The following KDM4C variants were observed in gnomAD, a reference collection of about 807,000 sequenced individuals.
The protein encoded by KDM4C is lysine demethylase 4C.
In KDM4C, 81 loss-of-function variants were observed where a neutral mutation model predicts 129.3. The ratio of observed to expected loss-of-function variants is 0.63; its 90% CI spans 0.52 to 0.75. The LOEUF (loss-of-function observed/expected upper bound fraction) is 0.75, where lower values mean the gene tolerates loss of function less well. Ranked by LOEUF, KDM4C falls within the 30% of genes least tolerant of loss-of-function variation. The probability of loss-of-function intolerance (pLI) is 0.00; values close to 1 mark genes in which losing one functional copy is unlikely to be tolerated. For missense variants in KDM4C, 1,457 were observed against 1,304.0 expected, an observed-to-expected ratio of 1.12 and a Z score of -1.81; for synonymous variants, 573 against 456.1, an observed-to-expected ratio of 1.26 and a Z score of -3.26.
chr9:7,045,341 A>T (rs1319992340), intron 15 of KDM4C, among the ~76,000 whole-genome samples: 1 of 152,014 alleles, frequency 6.6e-6, no homozygotes, highest in Non-Finnish European at 1.5e-5. Context: ...CTGCATTCCC[A>T]CTTTGAAACT....
At chr9:6,928,964 T>C (rs1823149141) in intron 8 of KDM4C, among the ~76,000 whole-genome samples, 1 of 152,210 alleles carries the variant, frequency 6.6e-6, no homozygotes, top group Admixed American at 6.5e-5. Flanking sequence ...CACACCCTTG[T>C]GCTTTAGTAA....
chr9:6,872,486 A>T (rs1276382963), intron 5 of KDM4C, among the ~76,000 whole-genome samples: 2 of 152,142 alleles, frequency 1.3e-5, no homozygotes, highest in African/African-American at 4.8e-5. Context: ...GTCTCCCACT[A>T]TTATTGTGTG....
intron 8 of KDM4C, among the ~76,000 whole-genome samples, chr9:6,926,369 A>C (rs942148822): frequency 2.7e-5 from 4 of 150,884 alleles, no homozygotes; most frequent in Non-Finnish European, 4.4e-5. Context: ...CCAAAATAAA[A>C]ATGAATGAAA....
At chr9:6,721,438 G>C (rs13292272) in intron 1 of KDM4C, among the ~76,000 whole-genome samples, 1 of 151,048 alleles carries the variant, frequency 6.6e-6, no homozygotes, top group Non-Finnish European at 1.5e-5. Flanking sequence ...CATGTGCCAC[G>C]ACACCTGACT....
intron 17 of KDM4C, among the ~76,000 whole-genome samples, chr9:7,099,083 G>C (rs190015169): frequency 2.1e-3 from 318 of 152,232 alleles, no homozygotes; most frequent in African/African-American, 7.4e-3. Context: ...TCCTTAGGGG[G>C]CAAAAGGAGA....
chr9:6,814,235 T>A (rs1831671261), intron 3 of KDM4C, among the ~76,000 whole-genome samples: 1 of 152,190 alleles, frequency 6.6e-6, no homozygotes. Flanking sequence ...CTTTCTTGGA[T>A]TTTTAGTGAG....
At chr9:7,052,703 G>T (rs1344783384) in intron 17 of KDM4C, among the ~76,000 whole-genome samples, 1 of 152,082 alleles carries the variant, frequency 6.6e-6, no homozygotes, top group East Asian at 1.9e-4. Flanking sequence ...GGTCAGCTGG[G>T]GATTGAAAAT....
At position 6,803,771 on chromosome 9, in the gene KDM4C, A is replaced by G. The variant is rs144751115; in HGVS notation, c.145-1828A>G. 4.2e-3 allele frequency among the ~76,000 whole-genome samples: 640 copies of G among 151,960 alleles called. 3 individuals carry two copies. The highest frequency in any genetic ancestry group is 6.7e-3 in the Non-Finnish European group (453 of 67,950). On this transcript the variant is annotated intron_variant, in intron 2 of 21. Transcript: ENST00000381309. ...AAAAAGAAAAAAAAAAAAAAAAGAA[A>G]AGTTCCAGCAATAGATCATGAATTG...
chr9:7,131,977 TG>T (rs1840692037), intron 19 of KDM4C, among the ~76,000 whole-genome samples: 2 of 152,212 alleles, frequency 1.3e-5, no homozygotes, highest in African/African-American at 4.8e-5. Context: ...ATATCAGATG[TG>T]AGTGCCACTG....
intron 17 of KDM4C, among the ~76,000 whole-genome samples, chr9:7,080,896 A>C (rs1230221998): frequency 1.3e-5 from 2 of 152,202 alleles, no homozygotes; most frequent in Non-Finnish European, 2.9e-5. Context: ...TTTATAAAAG[A>C]GGGCTGTTAG....
chr9:6,761,797 C>CGAGA (rs1255026342), intron 1 of KDM4C, among the ~76,000 whole-genome samples: 2 of 152,008 alleles, frequency 1.3e-5, no homozygotes, highest in Non-Finnish European at 2.9e-5. Flanking sequence ...ATGCTTCTCT[C>CGAGA]CCAACCTCTG....
intron 4 of KDM4C, among the ~76,000 whole-genome samples, chr9:6,839,013 A>T (rs1158805468): frequency 2.0e-5 from 3 of 152,120 alleles, no homozygotes; most frequent in African/African-American, 2.4e-5. Context: ...ATTTTATGTT[A>T]TTTTTTCTCC....
chr9:6,843,283 G>T (rs963493642), intron 4 of KDM4C, among the ~76,000 whole-genome samples: 2 of 152,214 alleles, frequency 1.3e-5, no homozygotes, highest in African/African-American at 4.8e-5. Flanking sequence ...AGTGGAATGG[G>T]CTGTGAATCC....
intron 12 of KDM4C, among the ~76,000 whole-genome samples, chr9:7,007,274 T>C (rs1326753992): frequency 1.3e-5 from 2 of 152,248 alleles, no homozygotes; most frequent in Non-Finnish European, 2.9e-5. Context: ...CTTGACTGCA[T>C]GTTACTTGCT....
chr9:6,855,960 T>C (rs1839735247), intron 5 of KDM4C, among the ~76,000 whole-genome samples: 1 of 152,178 alleles, frequency 6.6e-6, no homozygotes, highest in Non-Finnish European at 1.5e-5. Context: ...AGGCTGGCCA[T>C]GAACTCCTGG....
At chr9:6,832,587 A>G (rs71490286) in intron 4 of KDM4C, among the ~76,000 whole-genome samples, 39,246 of 147,288 alleles carry the variant, frequency 0.27, 5,327 homozygotes, top group Middle Eastern at 0.32. Flanking sequence ...CACCATGCCC[A>G]GCTAATTTTT....
intron 17 of KDM4C, among the ~76,000 whole-genome samples, chr9:7,089,531 AACTTC>A (rs1297897342): frequency 1.7e-4 from 26 of 152,356 alleles, no homozygotes; most frequent in East Asian, 3.9e-4. Flanking sequence ...GGGAAGTCAT[AACTTC>A]ACTTCACTGC....
intron 19 of KDM4C, among the ~76,000 whole-genome samples, chr9:7,147,790 A>G (rs1842347667): frequency 6.6e-6 from 1 of 152,178 alleles, no homozygotes; most frequent in South Asian, 2.1e-4. Context: ...AAGGGAGTTG[A>G]CACCAGTTAC....
chr9:7,052,863 C>CCGAGAGAGAGAG (rs1830338016), intron 17 of KDM4C, among the ~76,000 whole-genome samples: 1 of 41,074 alleles, frequency 2.4e-5, no homozygotes, highest in South Asian at 1.0e-3. Context: ...GCCACACCTG[C>CCGAGAGAGAGAG]AGAGAGAGAG....
Sources: allele counts gnomAD v4.1 joint callset (sites outside exome capture counted in the v4.1 genomes callset), GRCh38; gene constraint gnomAD v4.1.1; transcripts MANE v1.5; gene names NCBI Gene and HGNC (gene_info 2026-07-23, HGNC 2026-07-21).